The following CSMD1 variants were observed in gnomAD, a reference collection of about 807,000 sequenced individuals.
CSMD1 encodes CUB and Sushi multiple domains 1, also known as CUB and sushi domain-containing protein 1.
In CSMD1, 213 loss-of-function variants were observed where a neutral mutation model predicts 417.5. That is an observed-to-expected ratio of 0.51 (90% CI 0.46 to 0.57). The LOEUF is 0.57. Ranked by LOEUF, CSMD1 falls within the 20% of genes least tolerant of loss-of-function variation. The pLI is 0.00. For missense variants in CSMD1, 6,923 were observed against 4,529.7 expected (o/e 1.53, Z -15.17); for synonymous variants, 2,862 against 1,736.8 (o/e 1.65, Z -16.11).
chr8:3,485,993 G>A (rs1163213820), intron 11 of CSMD1, among the ~76,000 whole-genome samples: 1 of 152,006 alleles, frequency 6.6e-6, no homozygotes, highest in African/African-American at 2.4e-5. Flanking sequence ...CGATTAGGCA[G>A]CATTTTTTTC....
At chr8:4,710,889 A>G (rs1474623486) in intron 1 of CSMD1, among the ~76,000 whole-genome samples, 1 of 151,808 alleles carries the variant, frequency 6.6e-6, no homozygotes, top group Non-Finnish European at 1.5e-5. Flanking sequence ...ACAATGAGAA[A>G]AAAGACTTAC....
At chr8:4,879,169 AAGG>A (rs1378896707) in intron 1 of CSMD1, among the ~76,000 whole-genome samples, 1 of 152,046 alleles carries the variant, frequency 6.6e-6, no homozygotes, top group African/African-American at 2.4e-5. Flanking sequence ...ATAATAAAGG[AAGG>A]AGAATAGGCA....
chr8:3,989,938 A>G (rs933603964), intron 5 of CSMD1, among the ~76,000 whole-genome samples: 1 of 152,220 alleles, frequency 6.6e-6, no homozygotes, highest in Non-Finnish European at 1.5e-5. Flanking sequence ...GAAAAATTAG[A>G]TATTCATGGC....
At chr8:3,724,352 T>C (rs1447953569) in intron 6 of CSMD1, among the ~76,000 whole-genome samples, 2 of 152,140 alleles carry the variant, frequency 1.3e-5, no homozygotes, top group Admixed American at 6.5e-5. Flanking sequence ...GGGTTTTTGT[T>C]TGGTCAAATA....
chr8:2,975,356 G>C (rs1471220882), intron 55 of CSMD1, among the ~76,000 whole-genome samples: 1 of 152,146 alleles, frequency 6.6e-6, no homozygotes, highest in East Asian at 1.9e-4. Context: ...TATCAAATGA[G>C]GGCTAGCAAT....
intron 3 of CSMD1, among the ~76,000 whole-genome samples, chr8:4,201,914 G>C (rs1013151823): frequency 1.4e-5 from 2 of 142,360 alleles, no homozygotes; most frequent in African/African-American, 2.7e-5. Context: ...GCATTCATTT[G>C]CCATGCTCAA....
At chr8:3,509,476 A>C (rs1261692415) in intron 10 of CSMD1, among the ~76,000 whole-genome samples, 4 of 152,188 alleles carry the variant, frequency 2.6e-5, no homozygotes, top group African/African-American at 9.7e-5. Flanking sequence ...CAAGTCGTTG[A>C]ACTATTTTTC....
At chr8:3,458,251 C>T (rs759749785) in intron 12 of CSMD1, among the ~76,000 whole-genome samples, 23 of 152,130 alleles carry the variant, frequency 1.5e-4, no homozygotes, top group Non-Finnish European at 2.6e-4. Flanking sequence ...CAAATTTCTG[C>T]GTTAGAATTT....
At chr8:4,005,283 GAAAAT>G (rs1227447237) in intron 4 of CSMD1, among the ~76,000 whole-genome samples, 6 of 152,184 alleles carry the variant, frequency 3.9e-5, no homozygotes, top group African/African-American at 4.8e-5. Flanking sequence ...ATAACTTATA[GAAAAT>G]AAAATAAAAT....
In CSMD1 at chr8:4,480,785, A is replaced by T. The variant is rs1024801032; in HGVS notation, c.303-60720T>A. ...ATATGTTGAAGACGAGGACTCAGGA[A>T]CCAATTAATATTGAGCTGTGTTTCC... On this transcript the variant is annotated intron_variant, in intron 2 of 69. Transcript: ENST00000635120. Among the ~76,000 whole-genome samples, 6 of 152,164 alleles carry T rather than the reference A, an allele frequency of 3.9e-5. No homozygotes were observed. The East Asian group carries it at 1.2e-3, about 29-fold the overall frequency.
chr8:4,310,086 T>C (rs4875322), intron 3 of CSMD1, among the ~76,000 whole-genome samples: 1 of 152,068 alleles, frequency 6.6e-6, no homozygotes, highest in East Asian at 1.9e-4. Context: ...GGTCTGCAAT[T>C]ATCACCTCTC....
chr8:4,278,154 A>G (rs1015325495), intron 3 of CSMD1, among the ~76,000 whole-genome samples: 2 of 152,180 alleles, frequency 1.3e-5, no homozygotes, highest in African/African-American at 4.8e-5. Context: ...AGAAGAATCT[A>G]TTCTTGAATT....
chr8:3,998,907 T>A (rs968306782), intron 4 of CSMD1, among the ~76,000 whole-genome samples: 7 of 149,290 alleles, frequency 4.7e-5, no homozygotes, highest in Admixed American at 4.0e-4. Context: ...TGGTAGTTTA[T>A]ATATAAATAA....
intron 2 of CSMD1, among the ~76,000 whole-genome samples, chr8:4,631,229 G>A (rs779881189): frequency 2.0e-5 from 3 of 152,084 alleles, no homozygotes; most frequent in South Asian, 4.2e-4. Context: ...AGGAGTGGTG[G>A]CATGTGCCTG....
chr8:3,659,013 C>G (rs1439357488), intron 7 of CSMD1, among the ~76,000 whole-genome samples: 1 of 152,122 alleles, frequency 6.6e-6, no homozygotes, highest in African/African-American at 2.4e-5. Context: ...CTTCTAGGTC[C>G]TCAGAGCAGT....
intron 10 of CSMD1, among the ~76,000 whole-genome samples, chr8:3,497,065 A>ATC (rs1796395989): frequency 6.6e-6 from 1 of 152,238 alleles, no homozygotes; most frequent in Admixed American, 6.5e-5. Context: ...ATAACATACG[A>ATC]TCAGTCCTGA....
At chr8:4,967,896 G>C (rs1289664953) in intron 1 of CSMD1, among the ~76,000 whole-genome samples, 1 of 152,136 alleles carries the variant, frequency 6.6e-6, no homozygotes, top group Non-Finnish European at 1.5e-5. Flanking sequence ...ACCATACCGT[G>C]TGTGGAAGCA....
intron 3 of CSMD1, among the ~76,000 whole-genome samples, chr8:4,179,560 A>C (rs1361713126): frequency 1.3e-5 from 2 of 150,470 alleles, no homozygotes; most frequent in African/African-American, 4.9e-5. Context: ...ATGACAACAA[A>C]AGACAAAATT....
intron 5 of CSMD1, among the ~76,000 whole-genome samples, chr8:3,809,181 C>G (rs116301908): frequency 0.016 from 2,460 of 152,260 alleles, 73 homozygotes; most frequent in African/African-American, 0.056. Flanking sequence ...TCTTACTGTC[C>G]TTTACTAATA....
Sources: gnomAD v4.1 joint callset for allele counts (sites outside exome capture counted in the v4.1 genomes callset) on GRCh38, gnomAD v4.1.1 for gene constraint, MANE v1.5 for transcripts, NCBI Gene and HGNC (gene_info 2026-07-23, HGNC 2026-07-21) for gene names.